Variants in IQSEC1 observed in about 807,000 individuals in gnomAD.
IQSEC1 encodes IQ motif and Sec7 domain ArfGEF 1.
IQSEC1 carries 31 observed loss-of-function variants against 91.0 expected under a neutral mutation model. The observed-to-expected ratio is 0.34, with a 90% confidence interval of 0.26 to 0.46. The LOEUF is 0.46. IQSEC1 is among the 20% of genes least tolerant of loss of function. IQSEC1 has a pLI of 1.00. For missense variants in IQSEC1, 1,388 were observed against 1,575.6 expected, an observed-to-expected ratio of 0.88 and a Z score of 2.02; for synonymous variants, 699 against 662.6, an observed-to-expected ratio of 1.05 and a Z score of -0.84.
chr3:12,998,129 C>T (rs1046939369), intron 1 of IQSEC1, among the ~76,000 whole-genome samples: 4 of 152,192 alleles, frequency 2.6e-5, no homozygotes, highest in Non-Finnish European at 5.9e-5. Context: ...GCAGGTGGAT[C>T]ACTTGAGGCT....
At chr3:12,905,660 A>G (rs1575849457) in intron 12 of IQSEC1, among the ~76,000 whole-genome samples, 1 of 151,932 alleles carries the variant, frequency 6.6e-6, no homozygotes, top group Admixed American at 6.6e-5. Flanking sequence ...AGGAAGCACC[A>G]CCCTCTCTGG....
chr3:12,988,317 C>T (rs1018116530), intron 1 of IQSEC1, among the ~76,000 whole-genome samples: 2 of 151,798 alleles, frequency 1.3e-5, no homozygotes, highest in African/African-American at 2.4e-5. Flanking sequence ...GGGGAGGCTG[C>T]GGCAGGAGAA....
intron 1 of IQSEC1, among the ~76,000 whole-genome samples, chr3:13,035,725 A>T (rs1016874213): frequency 1.3e-5 from 2 of 152,184 alleles, no homozygotes; most frequent in African/African-American, 4.8e-5. Flanking sequence ...GAGCAGGGGT[A>T]GAGTTTAAGT....
At chr3:13,032,506 G>T (rs1236520986) in intron 1 of IQSEC1, among the ~76,000 whole-genome samples, 1 of 152,202 alleles carries the variant, frequency 6.6e-6, no homozygotes, top group African/African-American at 2.4e-5. Context: ...GACACGGAAG[G>T]ACAAGTGTGC....
chr3:13,074,694 G>C (rs1252148591), upstream of IQSEC1, among the ~76,000 whole-genome samples: 1 of 152,220 alleles, frequency 6.6e-6, no homozygotes, highest in Non-Finnish European at 1.5e-5. Context: ...TGCCTCACTG[G>C]GAGGAATAAA....
chr3:13,205,263 C>T (rs1181102326), intron 1 of IQSEC1, among the ~76,000 whole-genome samples: 5 of 152,080 alleles, frequency 3.3e-5, no homozygotes, highest in African/African-American at 7.2e-5. Flanking sequence ...CCCTAAACCA[C>T]AAGGAACCAT....
intron 1 of IQSEC1, among the ~76,000 whole-genome samples, chr3:13,030,541 C>G (rs925084895): frequency 6.6e-6 from 1 of 152,210 alleles, no homozygotes; most frequent in African/African-American, 2.4e-5. Flanking sequence ...ACAGGAACTA[C>G]AGGTGACAGA....
intron 1 of IQSEC1, among the ~76,000 whole-genome samples, chr3:12,951,339 C>T (rs1699530292): frequency 1.3e-5 from 2 of 152,010 alleles, no homozygotes; most frequent in Admixed American, 1.3e-4. Context: ...GCGAGAACTG[C>T]TTAAACCCGG....
chr3:13,171,690 T>C (rs1693618336), intron 1 of IQSEC1, among the ~76,000 whole-genome samples: 1 of 152,238 alleles, frequency 6.6e-6, no homozygotes, highest in South Asian at 2.1e-4. Flanking sequence ...ACAACATCTA[T>C]AGAGACCCAT....
In IQSEC1 at chr3:13,282,131, G is replaced by C. The variant is rs1308873605; in HGVS notation, c.272+580C>G. On this transcript the variant is annotated intron_variant, in intron 1 of 15. Coordinates refer to the IQSEC1 transcript ENST00000648114. The surrounding 1 kb of genome is among the most constrained non-coding windows in gnomAD (Gnocchi z 6.4). ...CCGAAATAGCCCCGGGTAATCCCAG[G>C]GCGAGGCAGTCGGGAATTAACCCCA... is the stretch of plus-strand genomic sequence containing the variant. Among the ~76,000 whole-genome samples the C allele has an allele frequency of 6.6e-6, 1 of 152,200 alleles. No homozygotes were observed. The highest frequency in any genetic ancestry group is 2.4e-5 in the African/African-American group (1 of 41,452).
intron 2 of IQSEC1, among the ~76,000 whole-genome samples, chr3:13,102,069 G>A (rs6809535): frequency 0.35 from 53,224 of 151,840 alleles, 9,922 homozygotes; most frequent in South Asian, 0.53. Flanking sequence ...CTTGAGCCCA[G>A]GAGTTTGAGA....
chr3:12,986,123 A>G (rs1701720954), intron 1 of IQSEC1, among the ~76,000 whole-genome samples: 2 of 152,330 alleles, frequency 1.3e-5, no homozygotes, highest in South Asian at 2.1e-4. Flanking sequence ...GAGGAAATGG[A>G]GCAAGGTCAC....
intron 1 of IQSEC1, among the ~76,000 whole-genome samples, chr3:13,061,910 T>C (rs1576226740): frequency 6.6e-6 from 1 of 152,188 alleles, no homozygotes; most frequent in South Asian, 2.1e-4. Context: ...GGCTGGCCAG[T>C]CAGCACATGG....
In IQSEC1 at chr3:12,967,562, G is replaced by A. The variant is rs1016623366; in HGVS notation, c.24-25697C>T. On this transcript the variant is annotated intron_variant, in intron 1 of 13. Coordinates refer to ENST00000613206, the MANE Select transcript of IQSEC1 (RefSeq NM_001134382.3). This position sits in a 1 kb window ranked among gnomAD's most constrained non-coding sequence, Gnocchi z 5.9. ...TCCCGGGGCCGACACCCGGCCACCC[G>A]GAGACCCGACCACCCGCCACGCGAT... 7.4e-7 allele frequency: 1 copy of A among 1,344,202 alleles called. No homozygotes were observed. The highest frequency in any genetic ancestry group is 9.5e-7 in the Non-Finnish European group (1 of 1,056,120). 83.3% of individuals were successfully genotyped at this position (1,344,202 alleles called of 1,614,324 possible). A position where few individuals can be genotyped will look rare whatever the true frequency, so the allele number is the denominator to read the frequency against.
At chr3:13,200,128 T>G (rs906807913) in intron 1 of IQSEC1, among the ~76,000 whole-genome samples, 2 of 145,168 alleles carry the variant, frequency 1.4e-5, no homozygotes, top group Non-Finnish European at 3.0e-5. Context: ...CACCACAGAC[T>G]ACTCACATAT....
At chr3:13,122,664 G>A (rs1458213557) in intron 2 of IQSEC1, among the ~76,000 whole-genome samples, 1 of 152,194 alleles carries the variant, frequency 6.6e-6, no homozygotes, top group African/African-American at 2.4e-5. Flanking sequence ...CTGGGCACAG[G>A]CCCCGGGAAG....
intron 8 of IQSEC1, among the ~76,000 whole-genome samples, chr3:12,914,601 G>A (rs892446721): frequency 3.9e-5 from 6 of 152,182 alleles, no homozygotes; most frequent in African/African-American, 1.4e-4. Context: ...GGCAGGCAGA[G>A]CGGCTTTCAG....
At position 12,899,901 on chromosome 3, in the gene IQSEC1, G is replaced by A; in HGVS notation, c.*1082C>T. On this transcript the variant is annotated 3_prime_UTR_variant, in exon 14 of 14. Transcript: ENST00000613206. ...TTTCATGTTGGAGATGAACACTTCT[G>A]CCGTGTATGGGTGCCCCTCTCGGAG... 5 of 985,248 alleles carry A rather than the reference G, an allele frequency of 5.1e-6. No homozygotes were observed. Among genetic ancestry groups the A allele is most frequent in the Non-Finnish European group, 6.0e-6 (5 of 829,878 alleles). The allele number at this position is 985,248 out of a possible 1,614,324, so 61.0% of individuals were successfully genotyped here. A position where few individuals can be genotyped will look rare whatever the true frequency, so the allele number is the denominator to read the frequency against.
chr3:13,276,785 T>C (rs961664278), intron 1 of IQSEC1, among the ~76,000 whole-genome samples: 3 of 152,122 alleles, frequency 2.0e-5, no homozygotes, highest in African/African-American at 7.2e-5. Flanking sequence ...TGCTGGAATA[T>C]CCACCCCTCG....
Sources: gnomAD v4.1 joint callset for allele counts (sites outside exome capture counted in the v4.1 genomes callset) on GRCh38, gnomAD v4.1.1 for gene constraint, Gnocchi (gnomAD v3.1) non-coding constraint, MANE v1.5 for transcripts, NCBI Gene and HGNC (gene_info 2026-07-23, HGNC 2026-07-21) for gene names.